Variants in TAF4B observed in about 807,000 individuals in gnomAD.
TAF4B encodes the protein TATA-box binding protein associated factor 4b.
Under a neutral mutation model 86.4 loss-of-function variants are expected in TAF4B, and 38 were observed. The observed-to-expected ratio is 0.44, with a 90% CI of 0.34 to 0.58. The LOEUF (loss-of-function observed/expected upper bound fraction) is 0.58, where lower values mean the gene tolerates loss of function less well. Among genes scored for constraint, TAF4B ranks in the 20% least tolerant of loss-of-function variants. TAF4B has a pLI of 0.02. For synonymous variants in TAF4B, 388 were observed against 391.2 expected (o/e 0.99, Z 0.10); for missense variants, 988 against 1,027.6 (o/e 0.96, Z 0.53).
chr18:26,270,552 G>A (rs942929150), intron 3 of TAF4B, among the ~76,000 whole-genome samples: 1 of 152,194 alleles, frequency 6.6e-6, no homozygotes, highest in Non-Finnish European at 1.5e-5. Context: ...TGGGGCTCAA[G>A]CAAATCCTCC....
intron 9 of TAF4B, among the ~76,000 whole-genome samples, chr18:26,298,455 A>G (rs1366589016): frequency 1.3e-5 from 2 of 152,118 alleles, no homozygotes; most frequent in African/African-American, 2.4e-5. Flanking sequence ...GGTGGTCTCA[A>G]TCTCCTGACC....
At position 26,363,217 on chromosome 18, in the gene TAF4B, A is replaced by G. The variant is rs1325433265; in HGVS notation, c.2421+5423A>G. Among the ~76,000 whole-genome samples, 8 of 151,972 alleles carry G rather than the reference A, an allele frequency of 5.3e-5. No individual in the cohort carries two copies. The South Asian group carries it at 1.5e-3, about 28-fold the overall frequency. On this transcript the variant is annotated intron_variant, in intron 14 of 14. Transcript: ENST00000269142. ...ATTATTTTGAAATTTGCTGAACACTAGTTTCCTTGTTGTTGATTTTTATTC... is the reference window on the plus strand; with the variant it reads ...ATTATTTTGAAATTTGCTGAACACTGGTTTCCTTGTTGTTGATTTTTATTC...
chr18:26,298,103 A>AT (rs1337337725), intron 9 of TAF4B, among the ~76,000 whole-genome samples: 3 of 137,358 alleles, frequency 2.2e-5, no homozygotes, highest in Admixed American at 8.3e-5. Context: ...TGTGACTTTA[A>AT]TTTGCATTTC....
At chr18:26,304,979 AT>A (rs767057465) in intron 9 of TAF4B, 101 of 674,910 alleles carry the variant, frequency 1.5e-4, no homozygotes, top group Non-Finnish European at 1.8e-4. Context: ...TAATTCTTTG[AT>A]ATATACATTG....
intron 13 of TAF4B, among the ~76,000 whole-genome samples, chr18:26,350,779 A>G (rs191891300): frequency 1.2e-3 from 188 of 152,328 alleles, no homozygotes; most frequent in African/African-American, 4.2e-3. Flanking sequence ...GAAATGTTCT[A>G]TGTCACTAAT....
intron 14 of TAF4B, among the ~76,000 whole-genome samples, chr18:26,369,440 GT>G (rs1172023786): frequency 6.6e-6 from 1 of 152,210 alleles, no homozygotes; most frequent in African/African-American, 2.4e-5. Context: ...TGCTGGACTT[GT>G]ATTGTGTCAA....
intron 6 of TAF4B, among the ~76,000 whole-genome samples, chr18:26,285,210 C>CTTTTT (rs113394710): frequency 1.6e-4 from 7 of 42,492 alleles, no homozygotes; most frequent in African/African-American, 4.8e-4. Flanking sequence ...TCTTCCTTTC[C>CTTTTT]TTTTTTTTTT....
At chr18:26,245,156 A>G (rs1286923786) in intron 1 of TAF4B, among the ~76,000 whole-genome samples, 1 of 152,138 alleles carries the variant, frequency 6.6e-6, no homozygotes, top group Non-Finnish European at 1.5e-5. Flanking sequence ...ACAGGTGCCC[A>G]GTATTTAGCC....
intron 1 of TAF4B, among the ~76,000 whole-genome samples, chr18:26,256,835 T>C (rs1598731417): frequency 6.8e-6 from 1 of 146,516 alleles, no homozygotes; most frequent in Non-Finnish European, 1.5e-5. Context: ...TTTTTTTTTC[T>C]GTCACTGTTT....
chr18:26,252,566 C>T (rs2056021579), intron 1 of TAF4B, among the ~76,000 whole-genome samples: 1 of 152,012 alleles, frequency 6.6e-6, no homozygotes. Flanking sequence ...ATGAAATCTC[C>T]CTCCATTCCA....
chr18:26,379,786 C>T (rs1411798515), intron 14 of TAF4B, among the ~76,000 whole-genome samples: 1 of 152,098 alleles, frequency 6.6e-6, no homozygotes, highest in African/African-American at 2.4e-5. Context: ...AGAGAATTTA[C>T]ATCTTAGCAA....
chr18:26,297,603 T>G (rs1180237116), intron 9 of TAF4B, among the ~76,000 whole-genome samples: 1 of 152,226 alleles, frequency 6.6e-6, no homozygotes, highest in African/African-American at 2.4e-5. Context: ...TCATGTTGTG[T>G]CTGGCTTCTT....
chr18:26,233,201 G>C (rs955302329), intron 1 of TAF4B, among the ~76,000 whole-genome samples: 7 of 152,172 alleles, frequency 4.6e-5, no homozygotes, highest in Non-Finnish European at 1.0e-4. Flanking sequence ...GGTAGCTCTG[G>C]TGAGCGGCTG....
At chr18:26,237,670 A>G (rs1260085283) in intron 1 of TAF4B, among the ~76,000 whole-genome samples, 3 of 152,138 alleles carry the variant, frequency 2.0e-5, no homozygotes, top group Non-Finnish European at 4.4e-5. Context: ...TCCTTCAATG[A>G]AAAGAAAGCT....
chr18:26,328,294 C>G (rs1281617319), intron 12 of TAF4B, among the ~76,000 whole-genome samples: 1 of 151,814 alleles, frequency 6.6e-6, no homozygotes, highest in Non-Finnish European at 1.5e-5. Flanking sequence ...ACTAAAAATA[C>G]AAATATTAGC....
intron 14 of TAF4B, among the ~76,000 whole-genome samples, chr18:26,371,764 A>G (rs558857945): frequency 6.6e-6 from 1 of 152,286 alleles, no homozygotes; most frequent in African/African-American, 2.4e-5. Flanking sequence ...TACTCCCGCA[A>G]CTAGTCCCCA....
At chr18:26,285,222 G>GTTTTGTTTTTT in intron 6 of TAF4B, among the ~76,000 whole-genome samples, 1 of 45,660 alleles carries the variant, frequency 2.2e-5, no homozygotes, top group Non-Finnish European at 4.5e-5. Context: ...TTTTTTTTTT[G>GTTTTGTTTTTT]TTTTTTTTTT....
intron 14 of TAF4B, among the ~76,000 whole-genome samples, chr18:26,379,735 A>G (rs1273263501): frequency 6.6e-6 from 1 of 152,064 alleles, no homozygotes; most frequent in Non-Finnish European, 1.5e-5. Flanking sequence ...ATGTCTAGGT[A>G]TTCTTTATTA....
Position 26,327,043 on chromosome 18 carries a change from A to C in TAF4B, c.2162A>C (p.Asp721Ala). The C allele has an allele frequency of 6.2e-7, 1 of 1,613,520 alleles. No individual in the cohort carries two copies. The highest frequency in any genetic ancestry group is 8.5e-7 in the Non-Finnish European group (1 of 1,179,792). Residue 721 changes from aspartate to alanine, a missense_variant, in exon 12 of 15, where the codon GAT becomes GCT. Transcript: ENST00000269142. The part of the protein sequence containing the change: ...KASENYILCS[D>A]TRSQLKFLEK... The stretch of plus-strand genomic sequence containing the variant: ...AGTGAAAATTACATCCTGTGTAGTG[A>C]TACCAGGTCACAGCTCAAATTTCTT...
Sources: allele counts gnomAD v4.1 joint callset (sites outside exome capture counted in the v4.1 genomes callset), GRCh38; gene constraint gnomAD v4.1.1; transcripts MANE v1.5; gene names NCBI Gene and HGNC (gene_info 2026-07-23, HGNC 2026-07-21).